IRS4: variants seen among roughly 807,000 people sequenced by gnomAD.
The protein encoded by IRS4 is 160 kDa phosphotyrosine protein.
In IRS4, 15 loss-of-function variants were observed where a neutral mutation model predicts 48.6. That is an observed-to-expected ratio of 0.31 (90% CI 0.21 to 0.48). The LOEUF is 0.48. Ranked by LOEUF, IRS4 falls within the 20% of genes least tolerant of loss-of-function variation. IRS4 has a pLI of 0.99. For synonymous variants in IRS4, 459 were observed against 413.2 expected (o/e 1.11, Z -1.34); for missense variants, 987 against 1,023.4 (o/e 0.96, Z 0.49).
At position 108,735,365 on chromosome X, in the gene IRS4, T is replaced by C; in HGVS notation, c.980A>G (p.Lys327Arg). 9.1e-6 allele frequency: 11 copies of C among 1,211,478 alleles called. No individual in the cohort carries two copies. The highest frequency in any genetic ancestry group is 1.2e-5 in the Non-Finnish European group (11 of 895,479). ...AQNMHELFLE[K>R]MRALCADEYR... ...TTCGTCTGCACACAAGGCTCTCATC[T>C]TCTCCAAAAACAGCTCATGCATGTT... The change falls in exon 1 of 2, where the codon AAG becomes AGG. Residue 327 changes from lysine to arginine, a missense_variant. Transcript: ENST00000372129.
At position 108,734,121 on chromosome X, in the gene IRS4, C is replaced by T. The variant is rs781775850; in HGVS notation, c.2224G>A (p.Gly742Arg). The T allele has an allele frequency of 1.7e-5, 20 of 1,209,426 alleles. No individual in the cohort carries two copies. The highest frequency in any genetic ancestry group is 3.5e-5 in the South Asian group (2 of 56,726). The change falls in exon 1 of 2, where the codon GGG (glycine) becomes AGG (arginine). Residue 742 changes from glycine (G) to arginine (R), a missense_variant. Physicochemically the swap from Gly to Arg is moderately radical, Grantham distance 125. Transcript: ENST00000372129. ...ACTCTGGGAAACATCATCATGTACCCTCTTGAATCTTCAAAAGGGGATCGA... is the reference window on the plus strand; with the variant it reads ...ACTCTGGGAAACATCATCATGTACCTTCTTGAATCTTCAAAAGGGGATCGA... The part of the protein sequence containing the change: ...HSRSPFEDSR[G>R]YMMMFPRVSP...
At position 108,734,782 on chromosome X, in the gene IRS4, C is replaced by T. The variant is rs1314715155; in HGVS notation, c.1563G>A (p.Gln521=). Residue 521 remains glutamine, a synonymous_variant, in exon 1 of 2, where the codon CAG becomes CAA. Coordinates refer to ENST00000372129, the MANE Select transcript of IRS4 (RefSeq NM_001379150.1). ...GSSSHSSGGN[Q]CSGEGQGSRG... is the part of the protein sequence containing the mutation. ...GGGATCCCTGTCCCTCGCCTGAACA[C>T]TGGTTTCCTCCCGAGCTATGGCTAC... The T allele has an allele frequency of 8.3e-7, 1 of 1,209,660 alleles. No homozygotes were observed. Among genetic ancestry groups the T allele is most frequent in the Non-Finnish European group, 1.1e-6 (1 of 895,166 alleles).
chrX:108,727,586 C>A (rs1406833824), intron 1 of IRS4, among the ~76,000 whole-genome samples: 1 of 112,187 alleles, frequency 8.9e-6, no homozygotes, highest in Admixed American at 9.4e-5. Context: ...CAAGACCAAG[C>A]AACGTTTTCT....
Position 108,736,387 on chromosome X carries a change from A to G in IRS4, c.-43T>C. The G allele has an allele frequency of 3.3e-6, 4 of 1,206,973 alleles. No homozygotes were observed. Among genetic ancestry groups the G allele is most frequent in the Admixed American group, 2.2e-5 (1 of 45,701 alleles). ...TTAAGGTGAGCGAGGAGGAGGGGGAATTCAGGAAAGGGAGGGTTGGGGGAA... is the reference window on the plus strand; with the variant it reads ...TTAAGGTGAGCGAGGAGGAGGGGGAGTTCAGGAAAGGGAGGGTTGGGGGAA... On this transcript the variant is annotated 5_prime_UTR_variant, in exon 1 of 2. Coordinates refer to ENST00000372129, the MANE Select transcript of IRS4 (RefSeq NM_001379150.1).
intron 1 of IRS4, chrX:108,723,143 C>A (rs771114144): frequency 9.0e-6 from 1 of 110,963 alleles, no homozygotes; most frequent in African/African-American, 3.3e-5. Context: ...AGGTGCTGGA[C>A]CAGAGAAGGG....
In IRS4 at chrX:108,734,183, G is replaced by T; in HGVS notation, c.2162C>A (p.Ala721Asp). ...LVSSSDYMPMAPQNVSASKKR... is the reference protein window; with the variant it reads ...LVSSSDYMPMDPQNVSASKKR... ...TTTTGAAGCAGAGACATTTTGAGGA[G>T]CCATTGGCATATAATCACTGGAGCT... The change falls in exon 1 of 2, where the codon GCT becomes GAT. Residue 721 changes from alanine (A) to aspartate (D), a missense_variant. Ala to Asp is a moderately radical substitution (Grantham distance 126). Coordinates refer to ENST00000372129, the MANE Select transcript of IRS4 (RefSeq NM_001379150.1). 1.7e-6 allele frequency: 2 copies of T among 1,211,123 alleles called. No individual in the cohort carries two copies. The highest frequency in any genetic ancestry group is 2.2e-6 in the Non-Finnish European group (2 of 895,393).
Position 108,735,856 on chromosome X carries a change from C to T in IRS4, c.489G>A (p.Arg163=), listed in dbSNP as rs774079643. 1.7e-6 allele frequency: 2 copies of T among 1,209,471 alleles called. No homozygotes were observed. Among genetic ancestry groups the T allele is most frequent in the South Asian group, 3.5e-5 (2 of 56,865 alleles). ...TGAAAAGAGCAATGAGGTGTCGGTA[C>T]CTTGCATCTGCTCGCTGGCTCACGG... ...CFSVSQRADA[R]YRHLIALFTQ... is the part of the protein sequence containing the mutation. The change falls in exon 1 of 2, where the codon AGG becomes AGA. Residue 163 remains arginine (R), a synonymous_variant. Transcript: ENST00000372129.
chrX:108,734,675 C>A lies in IRS4; in HGVS notation c.1670G>T (p.Gly557Val). The A allele has an allele frequency of 3.3e-6, 4 of 1,210,989 alleles. No homozygotes were observed. The highest frequency in any genetic ancestry group is 4.5e-6 in the Non-Finnish European group (4 of 895,373). The change falls in exon 1 of 2, where the codon GGT (glycine) becomes GTT (valine). Residue 557 changes from glycine (G) to valine (V), a missense_variant. Gly to Val is a moderately radical substitution (Grantham distance 109). Around this residue, in one of 4 missense-constraint regions of IRS4, gnomAD observed 720 missense variants for 660.3 expected, o/e 1.09. Coordinates refer to ENST00000372129, the MANE Select transcript of IRS4 (RefSeq NM_001379150.1). ...RDGQGTAGGH[G>V]SGGGQRPGGG... is the part of the protein sequence containing the mutation. ...TCCAGGTCTCTGGCCACCACCTGAA[C>A]CGTGCCCACCTGCGGTGCCCTGGCC...
intron 1 of IRS4, chrX:108,724,496 A>G (rs1485846334): frequency 8.9e-6 from 1 of 112,328 alleles, no homozygotes; most frequent in Non-Finnish European, 1.9e-5. Flanking sequence ...AACTTGAGCC[A>G]CAGATTTGCC....
chrX:108,730,286 TCACCACCATCAACAC>T (rs1414189080), intron 1 of IRS4, among the ~76,000 whole-genome samples: 8 of 109,619 alleles, frequency 7.3e-5, no homozygotes, highest in Admixed American at 2.0e-4. Flanking sequence ...ATGGGTTGTT[TCACCACCATCAACAC>T]CACCACCACC....
In IRS4 at chrX:108,736,426, C is replaced by T; in HGVS notation, c.-82G>A. On this transcript the variant is annotated 5_prime_UTR_variant, in exon 1 of 2. Transcript: ENST00000372129. The stretch of plus-strand genomic sequence containing the variant: ...GGGTTGGGGGAAGAGGCTGTCTACC[C>T]TCGTCTGCCCGCCCCAGCCCCCTCC... 5 of 1,173,923 alleles carry T rather than the reference C, an allele frequency of 4.3e-6. No individual in the cohort carries two copies. Among genetic ancestry groups the T allele is most frequent in the Non-Finnish European group, 5.7e-6 (5 of 876,216 alleles).
chrX:108,735,975 C>G lies in IRS4; in HGVS notation c.370G>C (p.Ala124Pro), dbSNP rs1381444291. The change falls in exon 1 of 2, where the codon GCC (alanine) becomes CCC (proline). Residue 124 changes from alanine to proline, a missense_variant. By Grantham distance (27) the Ala-to-Pro change is conservative. Transcript: ENST00000372129. ...GCCGCCGCTGCTGCAGCCGCCGCGG[C>G]GCGGACACTGTGCCGGAACTTCCTG... The part of the protein sequence containing the change: ...NARKFRHSVR[A>P]AAAAAAAAAS... 8.3e-7 allele frequency: 1 copy of G among 1,208,864 alleles called. No individual in the cohort carries two copies. The highest frequency in any genetic ancestry group is 1.1e-6 in the Non-Finnish European group (1 of 894,471).
rs1207497134 is a variant in IRS4 at position 108,734,233 on chromosome X, C to T, written c.2112G>A (p.Arg704=). 8.3e-7 allele frequency: 1 copy of T among 1,211,134 alleles called. No homozygotes were observed. Among genetic ancestry groups the T allele is most frequent in the Non-Finnish European group, 1.1e-6 (1 of 895,213 alleles). ...EDEDDPYVPM[R]PGVATPLVSS... ...TTACAAGAGGGGTGGCCACCCCTGG[C>T]CTCATTGGCACGTATGGGTCATCCT... The change falls in exon 1 of 2, where the codon AGG becomes AGA. Residue 704 remains arginine (R), a synonymous_variant. Coordinates refer to ENST00000372129, the MANE Select transcript of IRS4 (RefSeq NM_001379150.1).
intron 1 of IRS4, among the ~76,000 whole-genome samples, chrX:108,729,924 C>T (rs976982010): frequency 8.9e-6 from 1 of 112,075 alleles, no homozygotes; most frequent in African/African-American, 3.2e-5. Flanking sequence ...GTAATAATAA[C>T]AGTAGCAACA....
chrX:108,736,531 G>T lies in IRS4; in HGVS notation c.-187C>A. ...ACAACACGTGACCACAGCCTCACGC[G>T]GCGGCCGCTGCGGATCCTGCTACCG... On this transcript the variant is annotated 5_prime_UTR_variant, in exon 1 of 2. Transcript: ENST00000372129. 1 of 735,777 alleles carries T rather than the reference G, an allele frequency of 1.4e-6. No homozygotes were observed. The highest frequency in any genetic ancestry group is 2.0e-6 in the Non-Finnish European group (1 of 508,036). 60.6% of individuals were successfully genotyped at this position (735,777 alleles called of 1,213,427 possible).
chrX:108,728,303 G>T (rs926907120), intron 1 of IRS4, among the ~76,000 whole-genome samples: 2 of 112,257 alleles, frequency 1.8e-5, no homozygotes, highest in African/African-American at 6.5e-5. Context: ...CTGGAAGATA[G>T]TCCACAGTTA....
chrX:108,736,214 A>G lies in IRS4; in HGVS notation c.131T>C (p.Ile44Thr), dbSNP rs1257276392. ...TCCCGGACAAGACGACCCGGTCCCA[A>G]TGAGTGCGGTCGGGGTTCCCGAGGA... The part of the protein sequence containing the change: ...LLSSGTPTAL[I>T]GTGSSCPGAM... The change falls in exon 1 of 2, where the codon ATT becomes ACT. Residue 44 changes from isoleucine to threonine, a missense_variant. By Grantham distance (89) the Ile-to-Thr change is moderately conservative (BLOSUM62 -1). Coordinates refer to ENST00000372129, the MANE Select transcript of IRS4 (RefSeq NM_001379150.1). 4.1e-6 allele frequency: 5 copies of G among 1,208,555 alleles called. No individual in the cohort carries two copies. The highest frequency in any genetic ancestry group is 4.5e-6 in the Non-Finnish European group (4 of 894,797).
In IRS4 at chrX:108,721,181, C is replaced by T. The variant is rs1344276896; in HGVS notation, c.*1338G>A. 1.8e-5 allele frequency: 2 copies of T among 112,208 alleles called. 1 individual carries two copies. Among genetic ancestry groups the T allele is most frequent in the Admixed American group, 1.9e-4 (2 of 10,661 alleles). The allele number at this position is 112,208 out of a possible 1,213,427, so 9.2% of individuals were successfully genotyped here. ...GTGCTCACACACATACAAACACACC[C>T]AACTGTGATATGATGAGGTTTGCCA... On this transcript the variant is annotated 3_prime_UTR_variant, in exon 2 of 2. Transcript: ENST00000372129.
At chrX:108,722,805 A>G in intron 1 of IRS4, 1 of 155,014 alleles carries the variant, frequency 6.5e-6, no homozygotes, top group South Asian at 1.6e-4. Context: ...ACGTGCGTGC[A>G]CTGTTCTACT....
Sources: gnomAD v4.1 joint callset for allele counts (sites outside exome capture counted in the v4.1 genomes callset) on GRCh38, gnomAD v4.1.1 for gene constraint, gnomAD v4.1.1 regional missense constraint, MANE v1.5 for transcripts, NCBI Gene and HGNC (gene_info 2026-07-23, HGNC 2026-07-21) for gene names.